Variants in VWDE observed in about 807,000 individuals in gnomAD.
The protein encoded by VWDE is von Willebrand factor D and EGF domain-containing protein.
Under a neutral mutation model 178.4 loss-of-function variants are expected in VWDE, and 207 were observed. That is an observed-to-expected ratio of 1.16 (90% CI 1.04 to 1.30). The LOEUF is 1.30. Among genes scored for constraint, VWDE ranks in the 50% most tolerant of loss-of-function variants. The pLI is 0.00. For missense variants in VWDE, 2,287 were observed against 1,901.3 expected (o/e 1.20, Z -3.77); for synonymous variants, 738 against 651.4 (o/e 1.13, Z -2.02).
chr7:12,379,044 A>T (rs1288497148), intron 6 of VWDE, among the ~76,000 whole-genome samples: 1 of 152,096 alleles, frequency 6.6e-6, no homozygotes, highest in Non-Finnish European at 1.5e-5. Flanking sequence ...GCAACAACCA[A>T]ATCTCCTCCT....
At chr7:12,359,861 G>T (rs1046217254) in intron 15 of VWDE, among the ~76,000 whole-genome samples, 169 bp from the exon 16 acceptor site, 26 of 151,968 alleles carry the variant, frequency 1.7e-4, no homozygotes, top group African/African-American at 6.0e-4. Flanking sequence ...ACCTGAATAC[G>T]TAAATGTCTA....
At chr7:12,359,767 A>G in intron 15 of VWDE, 75 bp from the exon 16 acceptor site, 1 of 862,370 alleles carries the variant, frequency 1.2e-6, no homozygotes, top group Non-Finnish European at 1.8e-6. Flanking sequence ...GAAGGATGGC[A>G]GTGTATGTAT....
intron 3 of VWDE, 100 bp downstream of exon 3, chr7:12,389,027 T>C: frequency 1.1e-6 from 1 of 870,870 alleles, no homozygotes; most frequent in Non-Finnish European, 1.9e-6. Context: ...CTGAGTATCT[T>C]ACTGAGATTT....
intron 16 of VWDE, among the ~76,000 whole-genome samples, chr7:12,359,037 T>A (rs1041356602): frequency 2.0e-5 from 3 of 152,226 alleles, no homozygotes; most frequent in Admixed American, 1.3e-4. Flanking sequence ...TCTAATAATG[T>A]CTCATCTCCC....
intron 28 of VWDE, among the ~76,000 whole-genome samples, 161 bp downstream of exon 28, chr7:12,333,304 C>T (rs1481877903): frequency 6.6e-6 from 1 of 151,866 alleles, no homozygotes; most frequent in African/African-American, 2.4e-5. Context: ...AATAACTCTA[C>T]CAAAACACAA....
rs1554275418 is a variant in VWDE, at chr7:12,403,828, T to C, written c.-112A>G. On this transcript the variant is annotated 5_prime_UTR_variant, in exon 1 of 29. Coordinates refer to ENST00000275358, the MANE Select transcript of VWDE (RefSeq NM_001135924.3). The stretch of plus-strand genomic sequence containing the variant: ...TCCTTTCTTGGATTTTCTCAGTCTG[T>C]TGCTGCTTGGAACAGGGAAGCTCCG... 1 of 1,202,972 alleles carries C rather than the reference T, an allele frequency of 8.3e-7. No individual in the cohort carries two copies. Among genetic ancestry groups the C allele is most frequent in the Non-Finnish European group, 1.2e-6 (1 of 846,318 alleles). 74.5% of individuals were successfully genotyped at this position (1,202,972 alleles called of 1,614,324 possible). A position where few individuals can be genotyped will look rare whatever the true frequency, so the allele number is the denominator to read the frequency against.
Position 12,373,363 on chromosome 7 carries a change from A to C in VWDE, c.1317-116T>G, listed in dbSNP as rs1783322681. On this transcript the variant is annotated intron_variant, in intron 9 of 28. Coordinates refer to ENST00000275358, the MANE Select transcript of VWDE (RefSeq NM_001135924.3). ...TCATTTTGTTGTATGCACTGAAGGA[A>C]ACAAAGTAGTCATAAACACCTCAAT... 3.8e-6 allele frequency: 4 copies of C among 1,063,348 alleles called. No individual in the cohort carries two copies. In the East Asian group the frequency reaches 7.8e-5, roughly 21 times the overall value. 65.9% of individuals were successfully genotyped at this position (1,063,348 alleles called of 1,614,324 possible).
chr7:12,398,758 C>T (rs1038031028), intron 1 of VWDE, among the ~76,000 whole-genome samples: 5 of 152,036 alleles, frequency 3.3e-5, no homozygotes, highest in African/African-American at 9.7e-5. Flanking sequence ...TGGATGCAAA[C>T]GGAGGCCATT....
chr7:12,334,821 G>A (rs530918300), intron 27 of VWDE, among the ~76,000 whole-genome samples: 10 of 152,170 alleles, frequency 6.6e-5, no homozygotes, highest in South Asian at 2.1e-4. Flanking sequence ...CTTATGGTCC[G>A]CATAGAGCTT....
chr7:12,357,490 T>C lies in VWDE; in HGVS notation c.3300A>G (p.Ala1100=). The change falls in exon 17 of 29, where the codon GCA becomes GCG. Residue 1100 remains alanine, a synonymous_variant. Coordinates refer to ENST00000275358, the MANE Select transcript of VWDE (RefSeq NM_001135924.3). ...LENNQPPVIQ[A]LQDKLQTFYG... ...AAAATGTCTGTAATTTGTCTTGCAA[T>C]GCTTGAATCACTGGGGGCTGGTTGT... 1 of 1,552,250 alleles carries C rather than the reference T, an allele frequency of 6.4e-7. No homozygotes were observed. The highest frequency in any genetic ancestry group is 8.7e-7 in the Non-Finnish European group (1 of 1,147,124).
In VWDE at chr7:12,339,315, T is replaced by C. The variant is rs80350679; in HGVS notation, c.4366+1007A>G. On this transcript the variant is annotated intron_variant, in intron 24 of 28. Coordinates refer to ENST00000275358, the MANE Select transcript of VWDE (RefSeq NM_001135924.3). The stretch of plus-strand genomic sequence containing the variant: ...CATCTTACAACTACTTCAAGTAGCA[T>C]GAAAGATGTAACGTTTTCATTTCCT... 6.0e-3 allele frequency among the ~76,000 whole-genome samples: 916 copies of C among 152,302 alleles called. 6 individuals are homozygous for C. Among genetic ancestry groups the C allele is most frequent in the Middle Eastern group, 0.034 (10 of 294 alleles).
At chr7:12,349,622 T>C (rs927704658) in intron 19 of VWDE, among the ~76,000 whole-genome samples, 7 of 151,424 alleles carry the variant, frequency 4.6e-5, no homozygotes, top group African/African-American at 1.5e-4. Context: ...AGGATCAGAA[T>C]ATATGAAGTG....
At chr7:12,349,034 C>T (rs1781774107) in intron 19 of VWDE, among the ~76,000 whole-genome samples, 1 of 152,040 alleles carries the variant, frequency 6.6e-6, no homozygotes, top group African/African-American at 2.4e-5. Flanking sequence ...AATGAGAACA[C>T]ATGGACACAA....
At chr7:12,363,311 A>T (rs188100834) in intron 13 of VWDE, among the ~76,000 whole-genome samples, 1 of 151,986 alleles carries the variant, frequency 6.6e-6, no homozygotes, top group Non-Finnish European at 1.5e-5. Flanking sequence ...ATAGTGTATG[A>T]AAAAGACAGG....
rs144070683 is a variant in VWDE at position 12,337,067 on chromosome 7, C to T, written c.4479G>A (p.Thr1493=). 1.7e-4 allele frequency: 269 copies of T among 1,551,572 alleles called. No individual in the cohort carries two copies. In the African/African-American group the frequency reaches 2.6e-3, roughly 15 times the overall value. The change falls in exon 26 of 29, where the codon ACG becomes ACA. Residue 1493 remains threonine (T), a synonymous_variant. Transcript: ENST00000275358. ...RRFQKSICDP[T]CMNGGKCVGP... ...CCACACATTTTCCTCCATTCATGCA[C>T]GTAGGATCACAGATGCCTTAAGGTA...
At chr7:12,393,914 G>A (rs1784509638) in intron 1 of VWDE, 136 bp from the exon 2 acceptor site, 1 of 625,598 alleles carries the variant, frequency 1.6e-6, no homozygotes. Context: ...CCTCTGAAAT[G>A]TCAGGGTCTC....
chr7:12,389,465 C>T (rs1784273998), intron 2 of VWDE, 107 bp from the exon 3 acceptor site: 2 of 814,078 alleles, frequency 2.5e-6, no homozygotes, highest in East Asian at 2.7e-5. Context: ...TATCATTAAT[C>T]ATTAAAAAAA....
intron 3 of VWDE, among the ~76,000 whole-genome samples, chr7:12,386,079 T>C (rs1011219790): frequency 6.6e-6 from 1 of 152,176 alleles, no homozygotes; most frequent in Non-Finnish European, 1.5e-5. Flanking sequence ...GTTTTCTTTT[T>C]TATTAGTTGT....
intron 3 of VWDE, among the ~76,000 whole-genome samples, chr7:12,385,221 A>G (rs1455555011): frequency 1.3e-5 from 2 of 152,172 alleles, no homozygotes; most frequent in Non-Finnish European, 2.9e-5. Context: ...AGACTATGAT[A>G]TTAAAGTGAA....
Sources: allele counts gnomAD v4.1 joint callset (sites outside exome capture counted in the v4.1 genomes callset), GRCh38; gene constraint gnomAD v4.1.1; transcripts MANE v1.5; gene names NCBI Gene and HGNC (gene_info 2026-07-23, HGNC 2026-07-21).